Variants in PIK3AP1 observed in about 807,000 individuals in gnomAD.
PIK3AP1 encodes phosphoinositide 3-kinase adapter protein 1.
In PIK3AP1, 21 loss-of-function variants were observed where a neutral mutation model predicts 88.1. The ratio of observed to expected loss-of-function variants is 0.24; its 90% CI spans 0.17 to 0.34. The LOEUF (loss-of-function observed/expected upper bound fraction) is 0.34. PIK3AP1 is among the 10% of genes least tolerant of loss of function. The pLI is 1.00. For synonymous variants in PIK3AP1, 398 were observed against 400.0 expected, an observed-to-expected ratio of 1.00 and a Z score of 0.06; for missense variants, 828 against 1,035.7, an observed-to-expected ratio of 0.80 and a Z score of 2.75.
chr10:96,702,342 T>C (rs1429628119), intron 2 of PIK3AP1, among the ~76,000 whole-genome samples: 1 of 151,668 alleles, frequency 6.6e-6, no homozygotes, highest in African/African-American at 2.4e-5. Flanking sequence ...CTACTAAAAA[T>C]ACAAAAATTA....
At chr10:96,606,090 A>AAC (rs1274753174) in intron 14 of PIK3AP1, among the ~76,000 whole-genome samples, 8 of 152,180 alleles carry the variant, frequency 5.3e-5, no homozygotes, top group Non-Finnish European at 1.0e-4. Flanking sequence ...CTCAAAAACA[A>AAC]AAACAAAAAC....
intron 2 of PIK3AP1, among the ~76,000 whole-genome samples, chr10:96,657,238 C>T (rs74527499): frequency 1.6e-4 from 25 of 152,254 alleles, no homozygotes; most frequent in Non-Finnish European, 3.4e-4. Flanking sequence ...TACCTGCAGA[C>T]TTCCTGCAGG....
At chr10:96,719,659 G>A (rs998503984) in intron 1 of PIK3AP1, among the ~76,000 whole-genome samples, 9 of 152,096 alleles carry the variant, frequency 5.9e-5, no homozygotes, top group Non-Finnish European at 1.3e-4. Context: ...GGCTTGTCCT[G>A]GATCTCCGTC....
chr10:96,717,347 C>T (rs1844515449), intron 1 of PIK3AP1, among the ~76,000 whole-genome samples: 1 of 151,800 alleles, frequency 6.6e-6, no homozygotes, highest in South Asian at 2.1e-4. Flanking sequence ...ACCATTTCTT[C>T]AGCCTATAGG....
chr10:96,715,844 CAT>C (rs1844494764), intron 1 of PIK3AP1, among the ~76,000 whole-genome samples: 2 of 149,794 alleles, frequency 1.3e-5, no homozygotes, highest in African/African-American at 2.5e-5. Flanking sequence ...GAGCTGAGAT[CAT>C]GCCACTGCAC....
intron 2 of PIK3AP1, among the ~76,000 whole-genome samples, chr10:96,680,698 C>A (rs1184053158): frequency 1.3e-5 from 2 of 152,168 alleles, no homozygotes; most frequent in Non-Finnish European, 2.9e-5. Context: ...TTTTCTTTAT[C>A]CAGTCTACCA....
chr10:96,612,982 ATTTTTTTTTTTTTTTTTTTT>A (rs3979626), intron 13 of PIK3AP1, among the ~76,000 whole-genome samples: 32 of 34,770 alleles, frequency 9.2e-4, no homozygotes, highest in Non-Finnish European at 1.2e-3. Context: ...ATATATATAT[ATTTTTTTTTTTTTTTTTTTT>A]TTTTTTTTTT....
chr10:96,695,208 T>C (rs1476597090), intron 2 of PIK3AP1, among the ~76,000 whole-genome samples: 1 of 152,200 alleles, frequency 6.6e-6, no homozygotes, highest in African/African-American at 2.4e-5. Flanking sequence ...AAAACCCTGG[T>C]TCAGAACAAG....
rs1221242726 is a variant in PIK3AP1, at chr10:96,623,343, G to A, written c.1735+129C>T. ...CTCCCAAAGTGCTGGGACTACAGGC[G>A]TGAGCCATGATGCCTGGCCTAGATC... On this transcript the variant is annotated intron_variant, in intron 11 of 16. Coordinates refer to ENST00000339364, the MANE Select transcript of PIK3AP1 (RefSeq NM_152309.3). 102 of 913,156 alleles carry A rather than the reference G, an allele frequency of 1.1e-4. 2 individuals carry two copies. In the South Asian group the frequency reaches 1.3e-3, roughly 12 times the overall value. The allele number at this position is 913,156 out of a possible 1,614,324, so 56.6% of individuals were successfully genotyped here. A position where few individuals can be genotyped will look rare whatever the true frequency, so the allele number is the denominator to read the frequency against.
In PIK3AP1 at chr10:96,616,638, C is replaced by A; in HGVS notation, c.2014+1G>T. ...ATGCAGCACCCTAGGAAGCCACATA[C>A]CTGTCTGCTTTCCTGATTTTTGCTT... On this transcript the variant is annotated splice_donor_variant, in intron 13 of 16. Transcript: ENST00000339364. LOFTEE classifies it high-confidence loss of function. The A allele has an allele frequency of 6.2e-7, 1 of 1,614,006 alleles. No individual in the cohort carries two copies. The highest frequency in any genetic ancestry group is 1.1e-5 in the South Asian group (1 of 91,070).
chr10:96,657,381 G>A (rs969707822), intron 2 of PIK3AP1, among the ~76,000 whole-genome samples: 1 of 152,170 alleles, frequency 6.6e-6, no homozygotes, highest in Non-Finnish European at 1.5e-5. Flanking sequence ...AGGTCTCAGG[G>A]TTATGGCTAG....
At chr10:96,688,712 C>T (rs1844109664) in intron 2 of PIK3AP1, among the ~76,000 whole-genome samples, 1 of 151,806 alleles carries the variant, frequency 6.6e-6, no homozygotes, top group African/African-American at 2.4e-5. Context: ...GCAGGAGAAT[C>T]ACTTAAACCC....
Position 96,651,348 on chromosome 10 carries a change from G to A in PIK3AP1, c.888C>T (p.Thr296=), listed in dbSNP as rs778557726. Residue 296 remains threonine (T), a synonymous_variant, in exon 6 of 17, where the codon ACC becomes ACT. Transcript: ENST00000339364. ...GGGATTCGGTTAGCAGTTTATCAAG[G>A]GTCTCTGTGTTGTAGGGCACAATTT... The part of the protein sequence containing the change: ...AFKIVPYNTE[T]LDKLLTESLK... 1.2e-6 allele frequency: 2 copies of A among 1,614,138 alleles called. No homozygotes were observed. Among genetic ancestry groups the A allele is most frequent in the East Asian group, 2.2e-5 (1 of 44,882 alleles).
At chr10:96,621,002 C>A in intron 11 of PIK3AP1, 1 of 168,634 alleles carries the variant, frequency 5.9e-6, no homozygotes, top group South Asian at 1.5e-4. Flanking sequence ...GGTCAGGGAT[C>A]CAGTTGCTAG....
intron 1 of PIK3AP1, among the ~76,000 whole-genome samples, chr10:96,716,712 T>A (rs1354443317): frequency 6.6e-6 from 1 of 152,194 alleles, no homozygotes; most frequent in Non-Finnish European, 1.5e-5. Context: ...TTTCCACTTA[T>A]CCTCAATCAC....
intron 8 of PIK3AP1, among the ~76,000 whole-genome samples, chr10:96,644,164 G>T (rs1843428502): frequency 6.6e-6 from 1 of 152,170 alleles, no homozygotes; most frequent in Non-Finnish European, 1.5e-5. Context: ...GGTATTTTGG[G>T]TGGTCACCAA....
At chr10:96,612,976 ATATATATTTTTTTTTTTTTTTTT>A (rs1849147263) in intron 13 of PIK3AP1, among the ~76,000 whole-genome samples, 285 of 59,570 alleles carry the variant, frequency 4.8e-3, no homozygotes, top group East Asian at 0.039. Flanking sequence ...ATATATATAT[ATATATATTTTTTTTTTTTTTTTT>A]TTTTTTTTTT....
At chr10:96,629,957 G>GAAGAAGAAA (rs1843223136) in intron 8 of PIK3AP1, among the ~76,000 whole-genome samples, 1 of 76,316 alleles carries the variant, frequency 1.3e-5, no homozygotes. Context: ...AGAAGAAGAA[G>GAAGAAGAAA]AAAGGAAAAA....
At chr10:96,691,467 G>A (rs1307326287) in intron 2 of PIK3AP1, among the ~76,000 whole-genome samples, 1 of 120,732 alleles carries the variant, frequency 8.3e-6, no homozygotes, top group African/African-American at 4.1e-5. Context: ...TGCTATGATT[G>A]TACAGTTGGG....
Sources: allele counts gnomAD v4.1 joint callset (sites outside exome capture counted in the v4.1 genomes callset), GRCh38; gene constraint gnomAD v4.1.1; transcripts MANE v1.5; gene names NCBI Gene and HGNC (gene_info 2026-07-23, HGNC 2026-07-21).